DIP2A: variants seen among roughly 807,000 people sequenced by gnomAD.
DIP2A encodes DIP2 acetate--CoA ligase A, also known as disco-interacting protein 2 homolog A.
DIP2A carries 85 observed loss-of-function variants against 177.4 expected under a neutral mutation model. The observed-to-expected ratio is 0.48, with a 90% CI of 0.40 to 0.57. DIP2A has a LOEUF of 0.57. Among genes scored for constraint, DIP2A ranks in the 20% least tolerant of loss-of-function variants. The pLI is 0.00. For synonymous variants in DIP2A, 886 were observed against 881.8 expected (o/e 1.00, Z -0.08); for missense variants, 1,791 against 2,100.2 (o/e 0.85, Z 2.88).
At chr21:46,550,431 C>G (rs2060228563) in intron 22 of DIP2A, 112 bp from the exon 23 acceptor site, 1 of 1,012,036 alleles carries the variant, frequency 9.9e-7, no homozygotes, top group Non-Finnish European at 1.5e-6. Context: ...AGAGGGCATT[C>G]CATTTCCTGG....
chr21:46,500,931 GC>G (rs2057614993), intron 5 of DIP2A, among the ~76,000 whole-genome samples: 1 of 152,112 alleles, frequency 6.6e-6, no homozygotes, highest in Non-Finnish European at 1.5e-5. Context: ...GTTAGTCCTA[GC>G]ATCAACATTT....
chr21:46,546,187 C>T lies in DIP2A; in HGVS notation c.2394+226C>T, dbSNP rs116009362. 531 of 1,317,258 alleles carry T rather than the reference C, an allele frequency of 4.0e-4. No homozygotes were observed. The African/African-American group carries it at 5.0e-3, about 12-fold the overall frequency. 81.6% of individuals were successfully genotyped at this position (1,317,258 alleles called of 1,614,324 possible). On this transcript the variant is annotated intron_variant, in intron 20 of 37. Transcript: ENST00000417564. ...CACACAGGCCTGAGTCGGGGGTCCC[C>T]GGGGTGGATGAGGATGTTTTGCTTT...
chr21:46,531,465 TATG>T (rs1164728656), intron 9 of DIP2A, among the ~76,000 whole-genome samples: 2 of 152,260 alleles, frequency 1.3e-5, no homozygotes, highest in Non-Finnish European at 1.5e-5. Flanking sequence ...AATAATACTT[TATG>T]ATATGTTGTG....
intron 1 of DIP2A, among the ~76,000 whole-genome samples, chr21:46,483,340 A>C (rs1165560418): frequency 1.3e-5 from 1 of 77,520 alleles, no homozygotes; most frequent in African/African-American, 8.1e-5. Flanking sequence ...CACTAAATGC[A>C]AAAAAAAAAA....
rs2060499056 is a variant in DIP2A at position 46,557,217 on chromosome 21, GTC to G, written c.3629+150_3629+151del. Reference sequence around the variant, plus strand: ...TTGTTTGGGGATGAAGTGGGTTGGAGTCTGAGTCTGAAATTGAGTGAAAATAC... The same window carrying G: ...TTGTTTGGGGATGAAGTGGGTTGGAGTGAGTCTGAAATTGAGTGAAAATAC... On this transcript the variant is annotated intron_variant, in intron 30 of 37. Transcript: ENST00000417564. This position sits in a 1 kb window ranked among gnomAD's most constrained non-coding sequence, Gnocchi z 6.0. The G allele has an allele frequency of 5.8e-6, 5 of 866,042 alleles. No individual in the cohort carries two copies. Among genetic ancestry groups the G allele is most frequent in the South Asian group, 5.7e-5 (3 of 52,684 alleles). 53.6% of individuals were successfully genotyped at this position (866,042 alleles called of 1,614,324 possible). A position where few individuals can be genotyped will look rare whatever the true frequency, so the allele number is the denominator to read the frequency against.
chr21:46,513,008 T>C (rs766031075), intron 8 of DIP2A, among the ~76,000 whole-genome samples: 9 of 152,102 alleles, frequency 5.9e-5, no homozygotes, highest in Non-Finnish European at 8.8e-5. Flanking sequence ...GAGATGCATG[T>C]TTTGCAAATG....
At chr21:46,505,256 T>A (rs999379963) in intron 6 of DIP2A, among the ~76,000 whole-genome samples, 6 of 152,058 alleles carry the variant, frequency 3.9e-5, no homozygotes, top group Admixed American at 6.6e-5. Context: ...TCTTTATATT[T>A]AAAAAAATTA....
chr21:46,561,311 A>G (rs1178319773), intron 33 of DIP2A: 1 of 293,572 alleles, frequency 3.4e-6, no homozygotes, highest in Non-Finnish European at 6.6e-6. Flanking sequence ...TTTCATCTTG[A>G]TGAACGATGG....
At chr21:46,547,417 C>T (rs1312255905) in intron 21 of DIP2A, among the ~76,000 whole-genome samples, 3 of 152,192 alleles carry the variant, frequency 2.0e-5, no homozygotes, top group African/African-American at 7.2e-5. Context: ...AGACACATGA[C>T]ACCCTCCATT....
intron 22 of DIP2A, 76 bp from the exon 23 acceptor site, chr21:46,550,467 A>G: frequency 1.4e-6 from 2 of 1,401,154 alleles, no homozygotes; most frequent in Non-Finnish European, 2.0e-6. Context: ...CACAGAGGGG[A>G]TGTTCCTGTC....
intron 1 of DIP2A, among the ~76,000 whole-genome samples, chr21:46,472,979 C>T (rs1055541881): frequency 4.6e-5 from 7 of 152,102 alleles, no homozygotes; most frequent in South Asian, 2.1e-4. Flanking sequence ...GGTAGTGGGA[C>T]GAGGGAACTG....
intron 1 of DIP2A, among the ~76,000 whole-genome samples, chr21:46,474,835 C>T (rs575706868): frequency 9.2e-5 from 14 of 152,146 alleles, no homozygotes; most frequent in African/African-American, 3.4e-4. Flanking sequence ...GAAATTGGAA[C>T]GGTGGATCAG....
intron 3 of DIP2A, 78 bp downstream of exon 3, chr21:46,490,797 A>G (rs774572161): frequency 1.3e-5 from 19 of 1,448,090 alleles, no homozygotes; most frequent in Non-Finnish European, 1.7e-5. Flanking sequence ...TCTTCCAGTT[A>G]TTTTTCCTTT....
At chr21:46,554,477 C>G in intron 26 of DIP2A, 98 bp from the exon 27 acceptor site, 1 of 1,550,860 alleles carries the variant, frequency 6.4e-7, no homozygotes. Flanking sequence ...CATGCCCCCC[C>G]AGCACCACCT....
intron 6 of DIP2A, 24 bp from the exon 7 acceptor site, chr21:46,509,233 G>C (rs1244121432): frequency 6.2e-7 from 1 of 1,602,780 alleles, no homozygotes; most frequent in Non-Finnish European, 8.5e-7. Context: ...TGGCCTCAGT[G>C]CTCCTCTGTC....
chr21:46,546,411 G>C (rs1358213014), intron 20 of DIP2A: 5 of 692,706 alleles, frequency 7.2e-6, no homozygotes, highest in African/African-American at 3.8e-5. Context: ...ACTCAAGGGA[G>C]GGGAGTGCTC....
intron 18 of DIP2A, among the ~76,000 whole-genome samples, chr21:46,543,409 G>A (rs930695584): frequency 1.4e-4 from 21 of 152,150 alleles, no homozygotes; most frequent in Admixed American, 7.2e-4. Flanking sequence ...CAGCGCTCCC[G>A]TAGGCGTGCA....
At chr21:46,473,704 T>C (rs2055601129) in intron 1 of DIP2A, among the ~76,000 whole-genome samples, 1 of 151,968 alleles carries the variant, frequency 6.6e-6, no homozygotes, top group Admixed American at 6.6e-5. Context: ...TTAGTAAAGA[T>C]GGGGTTTCAC....
chr21:46,504,538 G>A, intron 6 of DIP2A, 49 bp downstream of exon 6: 1 of 1,551,124 alleles, frequency 6.4e-7, no homozygotes, highest in Non-Finnish European at 8.7e-7. Context: ...CACAGGTTTT[G>A]TCTTTGGGTA....
Sources: allele counts gnomAD v4.1 joint callset (sites outside exome capture counted in the v4.1 genomes callset), GRCh38; gene constraint gnomAD v4.1.1; non-coding constraint Gnocchi (gnomAD v3.1); transcripts MANE v1.5; gene names NCBI Gene and HGNC (gene_info 2026-07-23, HGNC 2026-07-21).